INSR: variants seen among roughly 807,000 people sequenced by gnomAD.
INSR encodes insulin receptor.
INSR carries 67 observed loss-of-function variants against 142.6 expected under a neutral mutation model. The observed-to-expected ratio is 0.47, with a 90% CI of 0.39 to 0.58. The LOEUF (loss-of-function observed/expected upper bound fraction) is 0.58, where lower values mean the gene tolerates loss of function less well. Among genes scored for constraint, INSR ranks in the 20% least tolerant of loss-of-function variants. INSR has a pLI of 0.00. For synonymous variants in INSR, 756 were observed against 743.1 expected, an observed-to-expected ratio of 1.02 and a Z score of -0.28; for missense variants, 1,248 against 1,833.2, an observed-to-expected ratio of 0.68 and a Z score of 5.83.
intron 7 of INSR, among the ~76,000 whole-genome samples, chr19:7,167,574 C>CAAAA (rs34670852): frequency 8.1e-6 from 1 of 123,450 alleles, no homozygotes; most frequent in African/African-American, 3.0e-5. Context: ...GACTCTGTCT[C>CAAAA]AAAAAAAAAA....
intron 2 of INSR, among the ~76,000 whole-genome samples, chr19:7,186,565 C>T (rs781622820): frequency 1.3e-5 from 2 of 152,118 alleles, no homozygotes; most frequent in Non-Finnish European, 2.9e-5. Context: ...TTTTATGTGG[C>T]TATGCAACCA....
intron 2 of INSR, among the ~76,000 whole-genome samples, chr19:7,211,960 T>G (rs1432580550): frequency 1.3e-5 from 2 of 152,162 alleles, no homozygotes; most frequent in African/African-American, 4.8e-5. Context: ...AGACTCAGAC[T>G]CTGGGGTGGA....
intron 2 of INSR, among the ~76,000 whole-genome samples, chr19:7,218,043 C>T (rs1032105311): frequency 2.6e-5 from 4 of 152,022 alleles, no homozygotes; most frequent in South Asian, 2.1e-4. Flanking sequence ...GGGATGGTGA[C>T]GGAGATAGAA....
intron 2 of INSR, among the ~76,000 whole-genome samples, chr19:7,250,919 TG>T (rs1976708396): frequency 6.6e-6 from 1 of 151,216 alleles, no homozygotes; most frequent in African/African-American, 2.5e-5. Context: ...ACACTCAGAC[TG>T]GGGACTGCAC....
rs1973935989 is a variant in INSR, at chr19:7,168,368, CAAG to C, written c.1484-277_1484-275del. ...TGAATAAGCGCAGTCTGTACCCGCG[CAAG>C]AAGGACAACCGGCCAATAGTTATTG... On this transcript the variant is annotated intron_variant, in intron 6 of 21. Coordinates refer to ENST00000302850, the MANE Select transcript of INSR (RefSeq NM_000208.4). The surrounding 1 kb of genome is among the most constrained non-coding windows in gnomAD (Gnocchi z 4.3). Among the ~76,000 whole-genome samples the C allele has an allele frequency of 6.6e-6, 1 of 152,132 alleles. No homozygotes were observed. Among genetic ancestry groups the C allele is most frequent in the South Asian group, 2.1e-4 (1 of 4,828 alleles).
intron 2 of INSR, among the ~76,000 whole-genome samples, chr19:7,249,906 C>T (rs530893441): frequency 1.3e-5 from 2 of 151,988 alleles, no homozygotes; most frequent in South Asian, 4.2e-4. Context: ...GCAGGAGAAT[C>T]ACTTGAGCCC....
chr19:7,140,619 C>T (rs1055574165), intron 13 of INSR, among the ~76,000 whole-genome samples: 3 of 152,098 alleles, frequency 2.0e-5, no homozygotes, highest in East Asian at 1.9e-4. Context: ...AATGTGAGGA[C>T]GTATTGTACT....
chr19:7,156,977 G>T (rs1488980776), intron 9 of INSR, among the ~76,000 whole-genome samples: 2 of 98,346 alleles, frequency 2.0e-5, no homozygotes, highest in African/African-American at 3.6e-5. Context: ...TTGTTTGTTT[G>T]TTTTTTGTTT....
At position 7,294,073 on chromosome 19, in the gene INSR, G is replaced by C. The variant is rs1968574837; in HGVS notation, c.-182C>G. 1 of 481,332 alleles carries C rather than the reference G, an allele frequency of 2.1e-6. No individual in the cohort carries two copies. Among genetic ancestry groups the C allele is most frequent in the Non-Finnish European group, 2.9e-6 (1 of 347,020 alleles). 29.8% of individuals were successfully genotyped at this position (481,332 alleles called of 1,614,324 possible). ...CCAGAGGCAGCCCCGGGAAGGGCGCGCGCGGCTTCGCCAGCTACAAATACT... is the reference window on the plus strand; with the variant it reads ...CCAGAGGCAGCCCCGGGAAGGGCGCCCGCGGCTTCGCCAGCTACAAATACT... On this transcript the variant is annotated 5_prime_UTR_variant, in exon 1 of 22. Coordinates refer to ENST00000302850, the MANE Select transcript of INSR (RefSeq NM_000208.4).
At chr19:7,231,432 C>G (rs1975975253) in intron 2 of INSR, among the ~76,000 whole-genome samples, 1 of 151,394 alleles carries the variant, frequency 6.6e-6, no homozygotes, top group Admixed American at 6.6e-5. Flanking sequence ...TCCTGAGTAG[C>G]TGGGATTACA....
intron 2 of INSR, among the ~76,000 whole-genome samples, chr19:7,235,320 CG>C (rs1293437034): frequency 6.6e-6 from 1 of 152,132 alleles, no homozygotes; most frequent in African/African-American, 2.4e-5. Flanking sequence ...AACACAGTCA[CG>C]AACTCCCTAC....
chr19:7,217,729 T>C (rs1975479993), intron 2 of INSR, among the ~76,000 whole-genome samples: 1 of 152,124 alleles, frequency 6.6e-6, no homozygotes, highest in Admixed American at 6.6e-5. Flanking sequence ...CTGGCTAATT[T>C]TTTGTATTTT....
At chr19:7,197,231 G>A (rs1974773953) in intron 2 of INSR, among the ~76,000 whole-genome samples, 1 of 152,236 alleles carries the variant, frequency 6.6e-6, no homozygotes, top group South Asian at 2.1e-4. Flanking sequence ...GCTCTTTGGA[G>A]ACATACGGCG....
chr19:7,291,937 C>T (rs986315031), intron 1 of INSR, among the ~76,000 whole-genome samples: 1 of 152,064 alleles, frequency 6.6e-6, no homozygotes, highest in Non-Finnish European at 1.5e-5. Context: ...GGACTACAGG[C>T]GCCCGCCACC....
At chr19:7,141,883 C>T (rs1415070085) in intron 12 of INSR, 67 bp from the exon 13 acceptor site, 3 of 1,331,372 alleles carry the variant, frequency 2.3e-6, no homozygotes, top group East Asian at 2.3e-5. Flanking sequence ...TGCCACCTGT[C>T]CATGGTGCAA....
intron 3 of INSR, among the ~76,000 whole-genome samples, chr19:7,177,973 A>G (rs1328965028): frequency 6.6e-6 from 1 of 151,992 alleles, no homozygotes. Context: ...AACTCAATGA[A>G]GCATACCACA....
intron 9 of INSR, among the ~76,000 whole-genome samples, 176 bp downstream of exon 9, chr19:7,162,856 T>A (rs943116040): frequency 6.6e-6 from 1 of 151,768 alleles, no homozygotes; most frequent in Non-Finnish European, 1.5e-5. Flanking sequence ...AATAAATAAA[T>A]AAATAGATAA....
chr19:7,178,242 G>GT (rs1278148617), intron 3 of INSR, among the ~76,000 whole-genome samples: 2 of 99,640 alleles, frequency 2.0e-5, no homozygotes, highest in Admixed American at 9.7e-5. Context: ...GGGGTGACTT[G>GT]TGGGGGGGGG....
At chr19:7,222,870 GA>G (rs1183247929) in intron 2 of INSR, among the ~76,000 whole-genome samples, 1 of 152,156 alleles carries the variant, frequency 6.6e-6, no homozygotes, top group Non-Finnish European at 1.5e-5. Flanking sequence ...AAAAGGCAAA[GA>G]GGGAGGCCAG....
Sources: allele counts gnomAD v4.1 joint callset (sites outside exome capture counted in the v4.1 genomes callset), GRCh38; gene constraint gnomAD v4.1.1; non-coding constraint Gnocchi (gnomAD v3.1); transcripts MANE v1.5; gene names NCBI Gene and HGNC (gene_info 2026-07-23, HGNC 2026-07-21).